The following STAC variants were observed in gnomAD, a reference collection of about 807,000 sequenced individuals.
STAC encodes SH3 and cysteine rich domain.
In STAC, 43 loss-of-function variants were observed where a neutral mutation model predicts 48.8. The observed-to-expected ratio is 0.88, with a 90% CI of 0.69 to 1.14. The LOEUF is 1.14. Among genes scored for constraint, STAC ranks in the 50% most tolerant of loss-of-function variants. The pLI is 0.00. For missense variants in STAC, 497 were observed against 504.0 expected (o/e 0.99, Z 0.13); for synonymous variants, 193 against 179.5 (o/e 1.07, Z -0.60).
chr3:36,506,442 T>C (rs1219952809), intron 8 of STAC, among the ~76,000 whole-genome samples: 3 of 152,312 alleles, frequency 2.0e-5, no homozygotes, highest in Middle Eastern at 6.8e-3. Context: ...AACTTTAAAG[T>C]AGTTTTTTCT....
chr3:36,497,494 G>A (rs1034809944), intron 6 of STAC, among the ~76,000 whole-genome samples: 20 of 152,164 alleles, frequency 1.3e-4, no homozygotes, highest in Admixed American at 5.9e-4. Context: ...CACATCCCTA[G>A]AGCCTTAGCT....
At chr3:36,385,849 C>T (rs1230383722) in intron 1 of STAC, among the ~76,000 whole-genome samples, 1 of 152,086 alleles carries the variant, frequency 6.6e-6, no homozygotes, top group Non-Finnish European at 1.5e-5. Flanking sequence ...TACCATATAA[C>T]ATTCCATTGT....
rs550247077 is a variant in STAC, at chr3:36,392,209, C to T, written c.111+11455C>T. Among the ~76,000 whole-genome samples the T allele has an allele frequency of 2.6e-5, 4 of 152,320 alleles. No homozygotes were observed. The East Asian group carries it at 5.8e-4, about 22-fold the overall frequency. ...TATCTGTACATCTGCTAATCCAGCC[C>T]ATCGTCCAACCTCCCTACAGGTCGA... On this transcript the variant is annotated intron_variant, in intron 1 of 10. Transcript: ENST00000273183.
chr3:36,418,391 A>G (rs1040763116), intron 1 of STAC, among the ~76,000 whole-genome samples: 3 of 152,254 alleles, frequency 2.0e-5, no homozygotes, highest in African/African-American at 7.2e-5. Context: ...TGCTAATGAG[A>G]GGTGAGGATT....
At position 36,445,431 on chromosome 3, in the gene STAC, A is replaced by G. The variant is rs577220703; in HGVS notation, c.388+1791A>G. On this transcript the variant is annotated intron_variant, in intron 2 of 10. Coordinates refer to ENST00000273183, the MANE Select transcript of STAC (RefSeq NM_003149.3). ...CCAAATATTAGGCTCCTTTCAGGAA[A>G]GAACAAAGGGGTTTAGAAAGGGGAT... Among the ~76,000 whole-genome samples the G allele has an allele frequency of 9.7e-4, 148 of 152,324 alleles. 4 individuals carry two copies. Among genetic ancestry groups the G allele is most frequent in the Admixed American group, 9.7e-3 (148 of 15,302 alleles).
chr3:36,517,436 G>A (rs2125722648), intron 8 of STAC, among the ~76,000 whole-genome samples: 1 of 152,266 alleles, frequency 6.6e-6, no homozygotes, highest in East Asian at 1.9e-4. Context: ...TATTGCTTGA[G>A]CCCAGGAGTT....
intron 8 of STAC, among the ~76,000 whole-genome samples, chr3:36,515,926 A>G (rs1048269044): frequency 6.7e-6 from 1 of 149,770 alleles, no homozygotes; most frequent in Admixed American, 6.7e-5. Context: ...AAAGGAAGGC[A>G]GTTGTTGCGT....
chr3:36,448,906 C>CA (rs1055746647), intron 2 of STAC, among the ~76,000 whole-genome samples: 4 of 146,222 alleles, frequency 2.7e-5, no homozygotes, highest in East Asian at 2.2e-4. Flanking sequence ...AGTGAACCCC[C>CA]CCCCCCACTC....
intron 1 of STAC, among the ~76,000 whole-genome samples, chr3:36,430,978 A>G (rs1700686405): frequency 6.6e-6 from 1 of 152,182 alleles, no homozygotes; most frequent in African/African-American, 2.4e-5. Flanking sequence ...TCAACATAAG[A>G]ATTTGAGGAG....
intron 2 of STAC, among the ~76,000 whole-genome samples, chr3:36,453,432 C>G (rs112365886): frequency 0.034 from 5,167 of 152,296 alleles, 130 homozygotes; most frequent in South Asian, 0.054. Flanking sequence ...CAGACCCCGC[C>G]CTCGGAGAGG....
At position 36,421,623 on chromosome 3, in the gene STAC, A is replaced by T. The variant is rs551760952; in HGVS notation, c.112-21741A>T. Among the ~76,000 whole-genome samples the T allele has an allele frequency of 3.9e-5, 6 of 152,012 alleles. No individual in the cohort carries two copies. The South Asian group carries it at 1.0e-3, about 26-fold the overall frequency. Reference sequence around the variant, plus strand: ...GAAGCTCTCTCTTATCTTGTTTTTGAACAGTGCTTATGCCATAGTCATTCT... The same window carrying T: ...GAAGCTCTCTCTTATCTTGTTTTTGTACAGTGCTTATGCCATAGTCATTCT... On this transcript the variant is annotated intron_variant, in intron 1 of 10. Transcript: ENST00000273183.
chr3:36,434,675 T>C (rs773809256), intron 1 of STAC, among the ~76,000 whole-genome samples: 5 of 152,196 alleles, frequency 3.3e-5, no homozygotes, highest in Admixed American at 6.5e-5. Flanking sequence ...CTTTCCCATA[T>C]AGCATGGACT....
At chr3:36,425,314 C>T (rs527463840) in intron 1 of STAC, among the ~76,000 whole-genome samples, 1 of 152,214 alleles carries the variant, frequency 6.6e-6, no homozygotes, top group African/African-American at 2.4e-5. Flanking sequence ...AATACATAAC[C>T]TTGATATAAT....
chr3:36,510,891 G>A (rs1698521275), intron 8 of STAC, among the ~76,000 whole-genome samples: 1 of 151,834 alleles, frequency 6.6e-6, no homozygotes, highest in South Asian at 2.1e-4. Flanking sequence ...AACCACCATG[G>A]CACATGTATA....
At chr3:36,437,631 G>C (rs867547689) in intron 1 of STAC, among the ~76,000 whole-genome samples, 5 of 107,296 alleles carry the variant, frequency 4.7e-5, no homozygotes, top group African/African-American at 1.8e-4. Flanking sequence ...CTGTTGTGGG[G>C]TGGGGGGAGG....
At chr3:36,536,560 T>C (rs1382060011) in intron 10 of STAC, among the ~76,000 whole-genome samples, 1 of 152,090 alleles carries the variant, frequency 6.6e-6, no homozygotes, top group Admixed American at 6.6e-5. Context: ...AGATTGAAGA[T>C]GGACCCCTTT....
intron 2 of STAC, among the ~76,000 whole-genome samples, chr3:36,467,017 C>T (rs1436432673): frequency 6.6e-6 from 1 of 151,816 alleles, no homozygotes; most frequent in Non-Finnish European, 1.5e-5. Flanking sequence ...AGGTATGTCC[C>T]TTCTATGCTT....
chr3:36,490,551 G>T (rs1168161613), intron 5 of STAC, among the ~76,000 whole-genome samples: 1 of 152,120 alleles, frequency 6.6e-6, no homozygotes, highest in African/African-American at 2.4e-5. Context: ...TGGCATTGGT[G>T]GAAGGGCAAC....
intron 8 of STAC, among the ~76,000 whole-genome samples, chr3:36,507,076 CTTA>C (rs968151320): frequency 3.3e-5 from 5 of 151,956 alleles, no homozygotes; most frequent in African/African-American, 1.2e-4. Context: ...ATAAGTAGCT[CTTA>C]TTATTTTGTC....
Sources: gnomAD v4.1 joint callset for allele counts (sites outside exome capture counted in the v4.1 genomes callset) on GRCh38, gnomAD v4.1.1 for gene constraint, MANE v1.5 for transcripts, NCBI Gene and HGNC (gene_info 2026-07-23, HGNC 2026-07-21) for gene names.